ATXN2: variants seen among roughly 807,000 people sequenced by gnomAD.
ATXN2 encodes ataxin 2, also known as ataxin-2.
ATXN2 carries 37 observed loss-of-function variants against 138.6 expected under a neutral mutation model. The observed-to-expected ratio is 0.27, with a 90% CI of 0.21 to 0.35. ATXN2 has a LOEUF of 0.35. ATXN2 is among the 10% of genes least tolerant of loss of function. The pLI, the probability that ATXN2 is intolerant of heterozygous loss-of-function variation, is 1.00. For synonymous variants in ATXN2, 549 were observed against 543.7 expected, an observed-to-expected ratio of 1.01 and a Z score of -0.13; for missense variants, 1,216 against 1,480.3, an observed-to-expected ratio of 0.82 and a Z score of 2.93.
intron 20 of ATXN2, among the ~76,000 whole-genome samples, chr12:111,467,202 G>A (rs2135669821): frequency 6.6e-6 from 1 of 151,690 alleles, no homozygotes; most frequent in South Asian, 2.1e-4. Flanking sequence ...GATTACAGTG[G>A]TGCCATGATA....
intron 14 of ATXN2, among the ~76,000 whole-genome samples, chr12:111,493,383 G>A (rs1459795468): frequency 2.3e-5 from 3 of 132,924 alleles, no homozygotes; most frequent in African/African-American, 8.9e-5. Context: ...TGGCACCACT[G>A]CACTCCAGGC....
chr12:111,587,912 G>C (rs1303341030), intron 1 of ATXN2, among the ~76,000 whole-genome samples: 1 of 152,062 alleles, frequency 6.6e-6, no homozygotes, highest in Non-Finnish European at 1.5e-5. Flanking sequence ...ACATTTTCGG[G>C]CTGGACACAG....
chr12:111,541,776 G>GATAT (rs140277173), intron 5 of ATXN2, among the ~76,000 whole-genome samples: 4 of 144,410 alleles, frequency 2.8e-5, no homozygotes, highest in African/African-American at 7.5e-5. Flanking sequence ...TACAAAAACG[G>GATAT]ATATATATAT....
At chr12:111,480,310 G>T (rs1433819195) in intron 18 of ATXN2, among the ~76,000 whole-genome samples, 4 of 152,194 alleles carry the variant, frequency 2.6e-5, no homozygotes, top group Non-Finnish European at 4.4e-5. Context: ...TTTAGAACAA[G>T]ATAAATTGGA....
intron 1 of ATXN2, among the ~76,000 whole-genome samples, chr12:111,577,602 T>C (rs1251339012): frequency 6.6e-6 from 1 of 151,934 alleles, no homozygotes; most frequent in Non-Finnish European, 1.5e-5. Flanking sequence ...TATACAATGA[T>C]CAACCAGTAA....
chr12:111,573,124 T>C (rs761670383), intron 1 of ATXN2, among the ~76,000 whole-genome samples: 37 of 152,246 alleles, frequency 2.4e-4, no homozygotes, highest in Non-Finnish European at 3.4e-4. Flanking sequence ...GCATGGTTGA[T>C]TGAAGAAATT....
chr12:111,491,654 G>C (rs1878042319), intron 14 of ATXN2, among the ~76,000 whole-genome samples: 5 of 152,216 alleles, frequency 3.3e-5, no homozygotes, highest in Admixed American at 3.3e-4. Context: ...GACCAGAAGG[G>C]AACCCATTGC....
At chr12:111,579,818 C>T (rs903961355) in intron 1 of ATXN2, among the ~76,000 whole-genome samples, 2 of 151,042 alleles carry the variant, frequency 1.3e-5, no homozygotes, top group Non-Finnish European at 3.0e-5. Context: ...CCTGTCTCAG[C>T]CCCCCCGAGT....
At position 111,516,329 on chromosome 12, in the gene ATXN2, G is replaced by C; in HGVS notation, c.1200C>G (p.Ser400=). Residue 400 remains serine (S), a synonymous_variant, in exon 10 of 25, where the codon TCC becomes TCG. Coordinates refer to ENST00000673436, the MANE Select transcript of ATXN2 (RefSeq NM_001372574.1). The surrounding 1 kb of genome is among the most constrained non-coding windows in gnomAD (Gnocchi z 5.0). The stretch of plus-strand genomic sequence containing the variant: ...ACTGGTAGCGAGAAGGTGGGCGAGA[G>C]GAAGGAGATGGGCAAGGCGATGGCC... ...VPWPSPCPSP[S]SRPPSRYQSG... 1 of 1,585,152 alleles carries C rather than the reference G, an allele frequency of 6.3e-7. No homozygotes were observed. Among genetic ancestry groups the C allele is most frequent in the Non-Finnish European group, 8.6e-7 (1 of 1,168,918 alleles).
chr12:111,455,934 ACAGG>A (rs1383158816), intron 23 of ATXN2, 91 bp downstream of exon 23: 1 of 1,196,546 alleles, frequency 8.4e-7, no homozygotes, highest in African/African-American at 1.5e-5. Flanking sequence ...GGCATGACAC[ACAGG>A]GTTTCCTAGC....
At chr12:111,599,654 C>T (rs973088021), upstream of ATXN2, 6 of 1,079,190 alleles carry the variant, frequency 5.6e-6, no homozygotes, top group South Asian at 4.5e-5. Context: ...GCGGGCGGCG[C>T]GCTGGGTTGC....
intron 1 of ATXN2, among the ~76,000 whole-genome samples, chr12:111,569,498 G>T (rs1203414189): frequency 6.6e-6 from 1 of 152,140 alleles, no homozygotes; most frequent in Non-Finnish European, 1.5e-5. Context: ...GGAGGCCAAG[G>T]TGAGTCCAGG....
intron 5 of ATXN2, among the ~76,000 whole-genome samples, chr12:111,547,411 A>G (rs992830542): frequency 6.8e-6 from 1 of 146,660 alleles, no homozygotes; most frequent in African/African-American, 2.6e-5. Flanking sequence ...TGGGTGACAG[A>G]GCGAGACTCC....
intron 1 of ATXN2, among the ~76,000 whole-genome samples, chr12:111,573,443 G>A (rs184210433): frequency 2.6e-5 from 4 of 152,236 alleles, no homozygotes; most frequent in Admixed American, 2.0e-4. Flanking sequence ...CGATCCACAC[G>A]CCTCGGCCTC....
intron 6 of ATXN2, among the ~76,000 whole-genome samples, chr12:111,523,927 A>G (rs753128499): frequency 9.2e-5 from 14 of 152,136 alleles, no homozygotes; most frequent in Non-Finnish European, 1.5e-4. Flanking sequence ...AAATCTTCAC[A>G]TATAATTATT....
chr12:111,553,107 A>G (rs1456154481), intron 3 of ATXN2, 130 bp from the exon 4 acceptor site: 2 of 486,698 alleles, frequency 4.1e-6, no homozygotes, highest in African/African-American at 4.0e-5. Context: ...CAAAACAATA[A>G]AAAAATTTCA....
intron 18 of ATXN2, chr12:111,479,025 TA>T: frequency 5.9e-6 from 2 of 339,528 alleles, no homozygotes; most frequent in Non-Finnish European, 1.0e-5. Context: ...AATAAATAAA[TA>T]AAAAATAAAA....
At chr12:111,580,676 G>A (rs1419618346) in intron 1 of ATXN2, among the ~76,000 whole-genome samples, 1 of 131,438 alleles carries the variant, frequency 7.6e-6, no homozygotes, top group African/African-American at 2.9e-5. Context: ...GGGGAGGGAG[G>A]GGGGGAGAGA....
At chr12:111,458,836 T>C (rs1017403660) in intron 21 of ATXN2, among the ~76,000 whole-genome samples, 1 of 152,072 alleles carries the variant, frequency 6.6e-6, no homozygotes, top group Non-Finnish European at 1.5e-5. Context: ...TCCACGTAAA[T>C]GGTGTGCAGA....
Sources: allele counts gnomAD v4.1 joint callset (sites outside exome capture counted in the v4.1 genomes callset), GRCh38; gene constraint gnomAD v4.1.1; non-coding constraint Gnocchi (gnomAD v3.1); transcripts MANE v1.5; gene names NCBI Gene and HGNC (gene_info 2026-07-23, HGNC 2026-07-21).